The following DENND2B variants were observed in gnomAD, a reference collection of about 807,000 sequenced individuals.
The protein encoded by DENND2B is DENN domain-containing protein 2B.
In DENND2B, 32 loss-of-function variants were observed where a neutral mutation model predicts 116.0. That is an observed-to-expected ratio of 0.28 (90% CI 0.21 to 0.37). DENND2B has a LOEUF of 0.37. DENND2B is among the 10% of genes least tolerant of loss of function. The pLI, the probability that DENND2B is intolerant of heterozygous loss-of-function variation, is 1.00. For missense variants in DENND2B, 1,276 were observed against 1,477.7 expected, an observed-to-expected ratio of 0.86 and a Z score of 2.24; for synonymous variants, 588 against 583.9, an observed-to-expected ratio of 1.01 and a Z score of -0.10.
intron 4 of DENND2B, among the ~76,000 whole-genome samples, chr11:8,725,687 T>C (rs1357992032): frequency 6.6e-6 from 1 of 152,184 alleles, no homozygotes; most frequent in East Asian, 1.9e-4. Context: ...TTGTTGTTGT[T>C]AATATAGTCA....
chr11:8,742,781 G>A (rs569653526), intron 2 of DENND2B, among the ~76,000 whole-genome samples: 2 of 152,296 alleles, frequency 1.3e-5, no homozygotes, highest in South Asian at 2.1e-4. Flanking sequence ...CCAGATTGTG[G>A]TGGCTGGGCA....
chr11:8,873,663 G>A (rs1016931553), upstream of DENND2B, among the ~76,000 whole-genome samples: 4 of 152,186 alleles, frequency 2.6e-5, no homozygotes, highest in African/African-American at 9.7e-5. Flanking sequence ...TATAAGAGAT[G>A]GCAAGCTCTT....
chr11:8,795,188 T>A (rs2059710927), intron 1 of DENND2B, among the ~76,000 whole-genome samples: 1 of 152,236 alleles, frequency 6.6e-6, no homozygotes, highest in African/African-American at 2.4e-5. Context: ...TGATACGGAT[T>A]TGGTGAGAAG....
At chr11:8,735,982 G>A (rs1424027676) in intron 2 of DENND2B, among the ~76,000 whole-genome samples, 1 of 152,202 alleles carries the variant, frequency 6.6e-6, no homozygotes, top group African/African-American at 2.4e-5. Flanking sequence ...ATTCTCCCCT[G>A]TTGGACAAGA....
chr11:8,785,830 C>T (rs752087925), intron 1 of DENND2B: 3 of 152,202 alleles, frequency 2.0e-5, no homozygotes, highest in Non-Finnish European at 2.9e-5. Context: ...CCTTCCCTCC[C>T]AGGCTAGTAT....
chr11:8,823,068 T>C (rs1362418443), intron 4 of DENND2B, among the ~76,000 whole-genome samples: 1 of 151,418 alleles, frequency 6.6e-6, no homozygotes, highest in African/African-American at 2.4e-5. Context: ...CACTCAGCAA[T>C]AGCTAGTAAG....
intron 1 of DENND2B, among the ~76,000 whole-genome samples, chr11:8,772,136 C>T (rs1309738756): frequency 2.6e-5 from 4 of 151,418 alleles, no homozygotes; most frequent in Non-Finnish European, 5.9e-5. Flanking sequence ...TCTACACACA[C>T]ACACACACAC....
Position 8,717,820 on chromosome 11 carries a change from T to G in DENND2B, c.1550A>C (p.Gln517Pro). The G allele has an allele frequency of 1.2e-6, 2 of 1,613,470 alleles. No individual in the cohort carries two copies. ...AGAGTCCAAGGAGTTCTCAGACAGT[T>G]GCTGGGATTTTCGTCCTGCTCTTCG... ...KSRRAGRKSQ[Q>P]LSENSLDSLH... Residue 517 changes from glutamine to proline, a missense_variant, in exon 5 of 20, where the codon CAA becomes CCA. Gln to Pro is a moderately conservative substitution (Grantham distance 76, BLOSUM62 -1). This residue lies in a region of DENND2B where 856 missense variants were observed against 846.6 expected (regional missense o/e 1.01). Transcript: ENST00000313726.
chr11:8,732,998 T>C (rs1331006369), intron 2 of DENND2B, among the ~76,000 whole-genome samples: 2 of 152,366 alleles, frequency 1.3e-5, no homozygotes, highest in South Asian at 2.1e-4. Flanking sequence ...GTCACAGGCC[T>C]CTGGCTGCCC....
intron 4 of DENND2B, among the ~76,000 whole-genome samples, chr11:8,835,099 C>T (rs1343981582): frequency 6.6e-6 from 1 of 151,974 alleles, no homozygotes; most frequent in African/African-American, 2.4e-5. Context: ...CAAAAATTAG[C>T]CGGGCATGGC....
intron 3 of DENND2B, among the ~76,000 whole-genome samples, chr11:8,853,889 C>G (rs901389602): frequency 1.3e-5 from 2 of 151,962 alleles, no homozygotes; most frequent in Admixed American, 6.6e-5. Context: ...CACTCTGTCG[C>G]TCAGGCTCAA....
At chr11:8,861,565 T>C (rs2568058) in intron 2 of DENND2B, among the ~76,000 whole-genome samples, 142,386 of 152,258 alleles carry the variant, frequency 0.94, 67,287 homozygotes, top group South Asian at 1. Flanking sequence ...GAAAAGCAAA[T>C]GCTTATACAC....
chr11:8,809,504 AG>A (rs1055976708), intron 1 of DENND2B: 1 of 152,186 alleles, frequency 6.6e-6, no homozygotes, highest in African/African-American at 2.4e-5. Flanking sequence ...TCTCCGTTGC[AG>A]GAAGTGTTTG....
At chr11:8,848,833 G>A (rs1468602896) in intron 3 of DENND2B, among the ~76,000 whole-genome samples, 1 of 151,560 alleles carries the variant, frequency 6.6e-6, no homozygotes, top group Admixed American at 6.6e-5. Context: ...TATTTATTGG[G>A]TATCTACTGA....
At chr11:8,785,832 G>A (rs2058849935) in intron 1 of DENND2B, 1 of 152,152 alleles carries the variant, frequency 6.6e-6, no homozygotes, top group Non-Finnish European at 1.5e-5. Flanking sequence ...TTCCCTCCCA[G>A]GCTAGTATAA....
chr11:8,791,398 G>C (rs1033087432), intron 1 of DENND2B, among the ~76,000 whole-genome samples: 4 of 152,164 alleles, frequency 2.6e-5, no homozygotes, highest in Non-Finnish European at 5.9e-5. Context: ...ACAGGATTAG[G>C]AATCAGAAGA....
chr11:8,782,518 T>C (rs531391789), intron 1 of DENND2B, among the ~76,000 whole-genome samples: 1 of 152,222 alleles, frequency 6.6e-6, no homozygotes, highest in African/African-American at 2.4e-5. Flanking sequence ...GTTACATTTA[T>C]GAAATTTGGA....
intron 4 of DENND2B, among the ~76,000 whole-genome samples, chr11:8,829,423 C>T (rs1423299207): frequency 6.6e-6 from 1 of 152,054 alleles, no homozygotes; most frequent in East Asian, 1.9e-4. Context: ...AGGCACCACA[C>T]TGGAGACCCG....
At chr11:8,842,253 A>T (rs1340630199) in intron 3 of DENND2B, among the ~76,000 whole-genome samples, 2 of 152,144 alleles carry the variant, frequency 1.3e-5, no homozygotes, top group Non-Finnish European at 2.9e-5. Context: ...GGAAATACTG[A>T]TATTAAGAAG....
Sources: gnomAD v4.1 joint callset for allele counts (sites outside exome capture counted in the v4.1 genomes callset) on GRCh38, gnomAD v4.1.1 for gene constraint, gnomAD v4.1.1 regional missense constraint, MANE v1.5 for transcripts, NCBI Gene and HGNC (gene_info 2026-07-23, HGNC 2026-07-21) for gene names.